The following PCDHGA5 variants were observed in gnomAD, a reference collection of about 807,000 sequenced individuals.
PCDHGA5 encodes the protein protocadherin gamma subfamily A, 5.
PCDHGA5 carries 36 observed loss-of-function variants against 56.7 expected under a neutral mutation model. The observed-to-expected ratio is 0.64, with a 90% CI of 0.49 to 0.84. PCDHGA5 has a LOEUF of 0.84. Among genes scored for constraint, PCDHGA5 ranks in the 40% least tolerant of loss-of-function variants. PCDHGA5 has a pLI of 0.00. For synonymous variants in PCDHGA5, 563 were observed against 520.2 expected (o/e 1.08, Z -1.12); for missense variants, 1,305 against 1,201.5 (o/e 1.09, Z -1.27).
At chr5:141,372,433 C>T in intron 1 of PCDHGA5, 1 of 1,614,060 alleles carries the variant, frequency 6.2e-7, no homozygotes, top group Non-Finnish European at 8.5e-7. Flanking sequence ...GACCGCCCCA[C>T]TCCCTCTGAC....
intron 1 of PCDHGA5, among the ~76,000 whole-genome samples, chr5:141,434,848 C>T (rs1224972794): frequency 6.6e-6 from 1 of 151,786 alleles, no homozygotes; most frequent in Non-Finnish European, 1.5e-5. Context: ...AAGCAGACAT[C>T]AATAAATTTA....
intron 1 of PCDHGA5, among the ~76,000 whole-genome samples, chr5:141,484,819 G>A (rs2099601374): frequency 1.3e-5 from 2 of 152,122 alleles, no homozygotes; most frequent in Admixed American, 1.3e-4. Flanking sequence ...GCCGTTGAGC[G>A]GGAGGAAGGC....
intron 3 of PCDHGA5, among the ~76,000 whole-genome samples, chr5:141,506,948 G>A (rs949082646): frequency 6.6e-6 from 1 of 152,162 alleles, no homozygotes; most frequent in Non-Finnish European, 1.5e-5. Flanking sequence ...TCCTGTCAAT[G>A]AATCCTCTCA....
intron 1 of PCDHGA5, among the ~76,000 whole-genome samples, chr5:141,459,678 G>A (rs1240789253): frequency 2.0e-5 from 3 of 152,184 alleles, no homozygotes; most frequent in African/African-American, 7.2e-5. Flanking sequence ...CATGAGCAAT[G>A]CATAAAGCGT....
rs529687184 is a variant in PCDHGA5, at chr5:141,365,180, G to A, written c.850G>A (p.Glu284Lys). 3.0e-5 allele frequency: 48 copies of A among 1,613,844 alleles called. No homozygotes were observed. In the East Asian group the frequency reaches 1.0e-3, roughly 35 times the overall value. ...GAAATTGACCTACTCTTTTCGCAATGAAGAAGAAAAAATTTCGGAGACTTT... is the reference window on the plus strand; with the variant it reads ...GAAATTGACCTACTCTTTTCGCAATAAAGAAGAAAAAATTTCGGAGACTTT... ...NGKLTYSFRN[E>K]EEKISETFQL... The change falls in exon 1 of 4, where the codon GAA becomes AAA. Residue 284 changes from glutamate (E) to lysine (K), a missense_variant. By Grantham distance (56) the Glu-to-Lys change is moderately conservative. Coordinates refer to ENST00000518069, the MANE Select transcript of PCDHGA5 (RefSeq NM_018918.3).
rs148119281 is a variant in PCDHGA5, at chr5:141,511,006, C to T, written c.2629C>T (p.Arg877Cys). The T allele has an allele frequency of 3.5e-5, 56 of 1,614,078 alleles. No individual in the cohort carries two copies. Among genetic ancestry groups the T allele is most frequent in the African/African-American group, 5.3e-5 (4 of 74,922 alleles). The change falls in exon 4 of 4, where the codon CGC (arginine) becomes TGC (cysteine). Residue 877 changes from arginine to cysteine, a missense_variant. By Grantham distance (180) the Arg-to-Cys change is radical. Transcript: ENST00000518069. Reference protein sequence around the residue: ...GGAGTMGLSARYGPQFTLQHV... With the variant: ...GGAGTMGLSACYGPQFTLQHV... ...TGCCGGCACCATGGGATTGAGCGCC[C>T]GCTACGGACCCCAGTTCACCCTGCA...
chr5:141,426,275 G>A (rs531044481), intron 1 of PCDHGA5: 2 of 164,168 alleles, frequency 1.2e-5, no homozygotes, highest in East Asian at 1.6e-4. Context: ...CTGCAGCAAC[G>A]CATGGGAAGG....
At chr5:141,471,021 A>C (rs1399168691) in intron 1 of PCDHGA5, among the ~76,000 whole-genome samples, 1 of 136,940 alleles carries the variant, frequency 7.3e-6, no homozygotes, top group African/African-American at 2.7e-5. Flanking sequence ...CTGGTCAATC[A>C]TTTTTATTAA....
chr5:141,416,650 A>G (rs935670434), intron 1 of PCDHGA5: 2 of 152,238 alleles, frequency 1.3e-5, no homozygotes, highest in Admixed American at 6.5e-5. Context: ...CCACAGCTGT[A>G]AAAAAGAAAA....
At chr5:141,424,959 C>A (rs1561817087) in intron 1 of PCDHGA5, among the ~76,000 whole-genome samples, 4 of 152,152 alleles carry the variant, frequency 2.6e-5, no homozygotes, top group Non-Finnish European at 5.9e-5. Flanking sequence ...TAGGTATTTG[C>A]CCCAAATTAC....
intron 1 of PCDHGA5, among the ~76,000 whole-genome samples, chr5:141,455,406 CAG>C (rs1306843200): frequency 3.3e-5 from 5 of 152,226 alleles, no homozygotes; most frequent in Non-Finnish European, 5.9e-5. Flanking sequence ...CTTACAGAGA[CAG>C]AGGGAGCGGG....
At chr5:141,423,470 A>G in intron 1 of PCDHGA5, 1 of 1,614,002 alleles carries the variant, frequency 6.2e-7, no homozygotes, top group Non-Finnish European at 8.5e-7. Context: ...GACGGGGTAC[A>G]GGCTTTCCTG....
At position 141,477,372 on chromosome 5, in the gene PCDHGA5, CTG is replaced by C; in HGVS notation, c.2422-17432_2422-17431del. On this transcript the variant is annotated intron_variant, in intron 1 of 3. Transcript: ENST00000518069. This position sits in a 1 kb window ranked among gnomAD's most constrained non-coding sequence, Gnocchi z 4.9. ...ACCAGTGCAGACCTGGATCGGGAGA[CTG>C]TGCCAGAATACAACCTCAGCATCAC... The C allele has an allele frequency of 6.2e-7, 1 of 1,614,154 alleles. No homozygotes were observed. The highest frequency in any genetic ancestry group is 8.5e-7 in the Non-Finnish European group (1 of 1,180,030).
intron 1 of PCDHGA5, chr5:141,405,033 T>TTGTGGC: frequency 6.2e-7 from 1 of 1,613,962 alleles, no homozygotes; most frequent in Non-Finnish European, 8.5e-7. Context: ...CTCTACCTCG[T>TTGTGGC]TGTGGCTGTG....
intron 1 of PCDHGA5, chr5:141,409,251 C>T (rs2095247124): frequency 6.2e-7 from 1 of 1,613,922 alleles, no homozygotes; most frequent in Non-Finnish European, 8.5e-7. Context: ...ATAATCATCA[C>T]TTCTCTCTCT....
At chr5:141,390,560 T>C (rs531396970) in intron 1 of PCDHGA5, 1 of 443,156 alleles carries the variant, frequency 2.3e-6, no homozygotes, top group East Asian at 4.1e-5. Context: ...GTTAGACAGT[T>C]GTTGGCTCTC....
Position 141,476,144 on chromosome 5 carries a change from C to T in PCDHGA5, c.2422-18663C>T. ...GGTCCCAGAGGCCTGGAGGAGCGGA[C>T]TGGTAAGCACCGGGAGGGTAGTGGG... is the stretch of plus-strand genomic sequence containing the variant. On this transcript the variant is annotated intron_variant, in intron 1 of 3. Transcript: ENST00000518069. This position sits in a 1 kb window ranked among gnomAD's most constrained non-coding sequence, Gnocchi z 7.6. 6.2e-7 allele frequency: 1 copy of T among 1,610,510 alleles called. No individual in the cohort carries two copies. The highest frequency in any genetic ancestry group is 1.3e-5 in the African/African-American group (1 of 75,014).
chr5:141,458,366 GGAGAA>G (rs1437271099), intron 1 of PCDHGA5, among the ~76,000 whole-genome samples: 1 of 152,090 alleles, frequency 6.6e-6, no homozygotes, highest in African/African-American at 2.4e-5. Flanking sequence ...AAGAAGGAAG[GGAGAA>G]GAGAGAAGGA....
intron 1 of PCDHGA5, chr5:141,428,456 A>G (rs538022786): frequency 1.4e-5 from 5 of 358,650 alleles, no homozygotes; most frequent in South Asian, 1.1e-4. Context: ...TTTCCCAACT[A>G]CAATGAGGGA....
Sources: allele counts gnomAD v4.1 joint callset (sites outside exome capture counted in the v4.1 genomes callset), GRCh38; gene constraint gnomAD v4.1.1; non-coding constraint Gnocchi (gnomAD v3.1); transcripts MANE v1.5; gene names NCBI Gene and HGNC (gene_info 2026-07-23, HGNC 2026-07-21).